The following CCDC148 variants were observed in gnomAD, a reference collection of about 807,000 sequenced individuals.
The protein encoded by CCDC148 is coiled-coil domain containing 148.
A neutral mutation model predicts 85.7 loss-of-function variants in CCDC148; 89 were observed. That is an observed-to-expected ratio of 1.04 (90% CI 0.87 to 1.24). The LOEUF (loss-of-function observed/expected upper bound fraction) is 1.24, where lower values mean the gene tolerates loss of function less well. Ranked by LOEUF, CCDC148 falls within the 50% of genes most tolerant of loss-of-function variation. CCDC148 has a pLI of 0.00. For missense variants in CCDC148, 692 were observed against 671.7 expected, an observed-to-expected ratio of 1.03 and a Z score of -0.33; for synonymous variants, 230 against 213.9, an observed-to-expected ratio of 1.08 and a Z score of -0.66.
intron 9 of CCDC148, among the ~76,000 whole-genome samples, chr2:158,261,870 G>T (rs1370313302): frequency 2.0e-5 from 3 of 152,024 alleles, no homozygotes; most frequent in Admixed American, 6.6e-5. Flanking sequence ...AATAAGAGAT[G>T]CTGGCAAGGT....
intron 3 of CCDC148, among the ~76,000 whole-genome samples, chr2:158,342,451 T>A (rs1410301505): frequency 6.6e-6 from 1 of 152,208 alleles, no homozygotes; most frequent in East Asian, 1.9e-4. Flanking sequence ...CATTTGCAAC[T>A]GTTACATGGA....
intron 9 of CCDC148, among the ~76,000 whole-genome samples, chr2:158,300,494 A>G (rs1050032796): frequency 1.3e-5 from 2 of 152,234 alleles, no homozygotes; most frequent in African/African-American, 4.8e-5. Flanking sequence ...GACTCTAGTC[A>G]GGGATTCAAC....
chr2:158,347,359 T>G (rs1157006344), intron 2 of CCDC148, among the ~76,000 whole-genome samples: 2 of 152,138 alleles, frequency 1.3e-5, no homozygotes, highest in African/African-American at 4.8e-5. Flanking sequence ...AAGCTACTAT[T>G]TTTCACTAGA....
At chr2:158,395,567 T>C (rs1685487647) in intron 1 of CCDC148, among the ~76,000 whole-genome samples, 1 of 152,078 alleles carries the variant, frequency 6.6e-6, no homozygotes, top group Non-Finnish European at 1.5e-5. Flanking sequence ...ACAAAGATAA[T>C]TTTGATTAGA....
At chr2:158,223,979 T>C (rs1201132774) in intron 10 of CCDC148, among the ~76,000 whole-genome samples, 1 of 152,174 alleles carries the variant, frequency 6.6e-6, no homozygotes, top group African/African-American at 2.4e-5. Flanking sequence ...AGAATGACTT[T>C]GACGAGTTGA....
chr2:158,329,656 T>C (rs569844186), intron 7 of CCDC148, among the ~76,000 whole-genome samples: 1 of 152,168 alleles, frequency 6.6e-6, no homozygotes, highest in South Asian at 2.1e-4. Context: ...GGAATGTTCT[T>C]CCATTTGTTT....
At chr2:158,371,918 T>C (rs1319420534) in intron 1 of CCDC148, among the ~76,000 whole-genome samples, 1 of 152,028 alleles carries the variant, frequency 6.6e-6, no homozygotes, top group African/African-American at 2.4e-5. Context: ...ATTTTCTCTA[T>C]TTTTAAAACA....
At chr2:158,231,268 C>T (rs1258545598) in intron 10 of CCDC148, among the ~76,000 whole-genome samples, 1 of 152,190 alleles carries the variant, frequency 6.6e-6, no homozygotes, top group Non-Finnish European at 1.5e-5. Context: ...ACTAGAATGA[C>T]TTAATTTCCC....
At chr2:158,353,343 A>G (rs1457517553) in intron 2 of CCDC148, among the ~76,000 whole-genome samples, 1 of 148,660 alleles carries the variant, frequency 6.7e-6, no homozygotes, top group Non-Finnish European at 1.5e-5. Context: ...TCTCACGTGC[A>G]GACACACACA....
chr2:158,242,641 T>TC (rs1688398860), intron 10 of CCDC148, among the ~76,000 whole-genome samples: 1 of 150,978 alleles, frequency 6.6e-6, no homozygotes, highest in Non-Finnish European at 1.5e-5. Context: ...TAGTTTTTTT[T>TC]TTTTTTTCTC....
chr2:158,415,440 ACACAAATC>A lies in CCDC148; in HGVS notation c.25+40967_25+40974del, dbSNP rs1337836084. On this transcript the variant is annotated intron_variant, in intron 1 of 13. Coordinates refer to ENST00000283233, the MANE Select transcript of CCDC148 (RefSeq NM_138803.4). ...AATTCAACATGAGATTTGGGCAGGG[ACACAAATC>A]CAAACCATAACATTCTCCCCTGGCC... Among the ~76,000 whole-genome samples, 3 of 152,178 alleles carry A rather than the reference ACACAAATC, an allele frequency of 2.0e-5. No homozygotes were observed. In the East Asian group the frequency reaches 5.8e-4, roughly 29 times the overall value.
At chr2:158,453,239 T>C (rs59066157) in intron 1 of CCDC148, among the ~76,000 whole-genome samples, 14,790 of 152,212 alleles carry the variant, frequency 0.097, 1,505 homozygotes, top group African/African-American at 0.26. Flanking sequence ...CCATTTGATA[T>C]AGAGTGTCAA....
At chr2:158,282,793 G>A (rs1261095092) in intron 9 of CCDC148, among the ~76,000 whole-genome samples, 4 of 152,066 alleles carry the variant, frequency 2.6e-5, no homozygotes, top group African/African-American at 7.2e-5. Flanking sequence ...AAGTTCATAT[G>A]GAACCAAAAA....
At chr2:158,386,053 T>C (rs1287132155) in intron 1 of CCDC148, among the ~76,000 whole-genome samples, 2 of 152,098 alleles carry the variant, frequency 1.3e-5, no homozygotes, top group African/African-American at 4.8e-5. Context: ...TTCTAGAGTA[T>C]GGCTTTTGCT....
intron 10 of CCDC148, among the ~76,000 whole-genome samples, chr2:158,249,263 G>A (rs1688693900): frequency 6.6e-6 from 1 of 152,094 alleles, no homozygotes; most frequent in East Asian, 1.9e-4. Context: ...TACTTTTTGT[G>A]GTCACGCTAA....
intron 1 of CCDC148, among the ~76,000 whole-genome samples, chr2:158,389,505 A>T (rs1175436484): frequency 3.3e-5 from 5 of 152,204 alleles, no homozygotes; most frequent in African/African-American, 1.2e-4. Flanking sequence ...TCTTAAAAGA[A>T]GGGCCAGATA....
chr2:158,266,134 T>C (rs1444800295), intron 9 of CCDC148, among the ~76,000 whole-genome samples: 1 of 152,182 alleles, frequency 6.6e-6, no homozygotes, highest in Non-Finnish European at 1.5e-5. Flanking sequence ...ATGATTCCCA[T>C]GCCTCAAGCC....
chr2:158,216,560 C>CT (rs1686874325), intron 11 of CCDC148, among the ~76,000 whole-genome samples: 1 of 151,310 alleles, frequency 6.6e-6, no homozygotes, highest in South Asian at 2.1e-4. Flanking sequence ...CCATGCCTGG[C>CT]TAAAAAAGCA....
intron 1 of CCDC148, among the ~76,000 whole-genome samples, chr2:158,390,212 T>C (rs1041082732): frequency 9.2e-5 from 14 of 152,130 alleles, no homozygotes; most frequent in African/African-American, 3.1e-4. Flanking sequence ...ACATATTATA[T>C]GGCTCAATTC....
Sources: allele counts gnomAD v4.1 joint callset (sites outside exome capture counted in the v4.1 genomes callset), GRCh38; gene constraint gnomAD v4.1.1; transcripts MANE v1.5; gene names NCBI Gene and HGNC (gene_info 2026-07-23, HGNC 2026-07-21).